SYT1: variants seen among roughly 807,000 people sequenced by gnomAD.
The protein encoded by SYT1 is synaptotagmin-1.
SYT1 carries 8 observed loss-of-function variants against 44.8 expected under a neutral mutation model. The observed-to-expected ratio is 0.18, with a 90% CI of 0.10 to 0.32. The LOEUF (loss-of-function observed/expected upper bound fraction) is 0.32. Ranked by LOEUF, SYT1 falls within the 10% of genes least tolerant of loss-of-function variation. The pLI, the probability that SYT1 is intolerant of heterozygous loss-of-function variation, is 1.00. For synonymous variants in SYT1, 154 were observed against 188.8 expected, an observed-to-expected ratio of 0.82 and a Z score of 1.51; for missense variants, 286 against 509.3, an observed-to-expected ratio of 0.56 and a Z score of 4.22.
At chr12:79,059,453 A>T (rs2137834209) in intron 3 of SYT1, among the ~76,000 whole-genome samples, 1 of 152,244 alleles carries the variant, frequency 6.6e-6, no homozygotes, top group East Asian at 1.9e-4. Context: ...CCACTCATAA[A>T]GTAAATTTTA....
At chr12:79,379,380 G>A (rs566572039) in intron 9 of SYT1, among the ~76,000 whole-genome samples, 6 of 152,036 alleles carry the variant, frequency 3.9e-5, no homozygotes, top group Admixed American at 2.6e-4. Flanking sequence ...CCTTTTTGAA[G>A]GTTACCAAAA....
At chr12:79,019,621 ACT>A (rs1430164878) in intron 2 of SYT1, among the ~76,000 whole-genome samples, 2 of 152,006 alleles carry the variant, frequency 1.3e-5, no homozygotes. Context: ...TATGTTGGTT[ACT>A]TTTAACTTCG....
rs1285337656 is a variant in SYT1, at chr12:79,329,080, T to G, written c.811-24422T>G. Among the ~76,000 whole-genome samples, 4 of 152,290 alleles carry G rather than the reference T, an allele frequency of 2.6e-5. No individual in the cohort carries two copies. The East Asian group carries it at 7.7e-4, about 29-fold the overall frequency. ...TACAATCATCCGCTCTTTATTGTGC[T>G]GATCCAAGCTCATGGCCACAGAGGG... On this transcript the variant is annotated intron_variant, in intron 8 of 10. Coordinates refer to ENST00000261205, the MANE Select transcript of SYT1 (RefSeq NM_005639.3).
chr12:79,333,122 A>G (rs1951303133), intron 8 of SYT1, among the ~76,000 whole-genome samples: 1 of 152,172 alleles, frequency 6.6e-6, no homozygotes, highest in Non-Finnish European at 1.5e-5. Flanking sequence ...GTCTGAGTCC[A>G]TTTAGGCTAC....
At chr12:79,008,978 CTT>C (rs1260949558) in intron 2 of SYT1, among the ~76,000 whole-genome samples, 1 of 152,100 alleles carries the variant, frequency 6.6e-6, no homozygotes, top group East Asian at 1.9e-4. Context: ...TTTATAGAAA[CTT>C]TAGCTTTGCT....
chr12:79,084,791 G>T (rs938706537), intron 3 of SYT1, among the ~76,000 whole-genome samples: 26 of 152,002 alleles, frequency 1.7e-4, no homozygotes, highest in African/African-American at 6.0e-4. Flanking sequence ...TAATTTTTTT[G>T]ATGTGTATTA....
chr12:78,941,557 A>G (rs997415362), intron 1 of SYT1, among the ~76,000 whole-genome samples: 7 of 152,232 alleles, frequency 4.6e-5, no homozygotes, highest in African/African-American at 1.7e-4. Context: ...TTTAATCAAT[A>G]GTAACATTAG....
chr12:79,184,357 C>G (rs765857493), intron 3 of SYT1, among the ~76,000 whole-genome samples: 2 of 151,972 alleles, frequency 1.3e-5, no homozygotes, highest in African/African-American at 4.8e-5. Flanking sequence ...GGAACTTATG[C>G]CTTTATTAGT....
chr12:79,433,975 C>A (rs1007018431), intron 9 of SYT1, among the ~76,000 whole-genome samples: 3 of 152,206 alleles, frequency 2.0e-5, no homozygotes, highest in African/African-American at 7.2e-5. Context: ...TGCATCCCTA[C>A]ATTTTTAGTC....
intron 1 of SYT1, among the ~76,000 whole-genome samples, chr12:78,925,079 T>C (rs1023674483): frequency 6.6e-6 from 1 of 151,938 alleles, no homozygotes. Flanking sequence ...TCACTACATA[T>C]CTATTTCTAT....
At chr12:79,214,578 G>A (rs1205867284) in intron 3 of SYT1, among the ~76,000 whole-genome samples, 1 of 152,178 alleles carries the variant, frequency 6.6e-6, no homozygotes, top group African/African-American at 2.4e-5. Flanking sequence ...AGCAACTCAA[G>A]AAGTGAAGGA....
chr12:79,211,356 A>G (rs1874433124), intron 3 of SYT1, among the ~76,000 whole-genome samples: 1 of 152,188 alleles, frequency 6.6e-6, no homozygotes, highest in Non-Finnish European at 1.5e-5. Context: ...ATGTTACTAC[A>G]AACATCCTTA....
chr12:79,165,605 ATTTATCCTTATAATAACTCAAGAGCT>A (rs1199935282), intron 3 of SYT1, among the ~76,000 whole-genome samples: 1 of 152,020 alleles, frequency 6.6e-6, no homozygotes, highest in Non-Finnish European at 1.5e-5. Flanking sequence ...TAGAACAATT[ATTTATCCTTATAATAACTCAAGAGCT>A]TTTATCATCA....
intron 1 of SYT1, among the ~76,000 whole-genome samples, chr12:78,974,259 A>T (rs1868647733): frequency 6.6e-6 from 1 of 151,460 alleles, no homozygotes; most frequent in Non-Finnish European, 1.5e-5. Context: ...AGCTTATGAG[A>T]CCATCATCTT....
chr12:79,304,279 C>T (rs919249336), intron 8 of SYT1, among the ~76,000 whole-genome samples: 1 of 152,254 alleles, frequency 6.6e-6, no homozygotes. Flanking sequence ...TGTGTCCAAA[C>T]GCCCTTTTTA....
chr12:78,900,728 T>C (rs1875615224), intron 1 of SYT1, among the ~76,000 whole-genome samples: 1 of 152,114 alleles, frequency 6.6e-6, no homozygotes, highest in South Asian at 2.1e-4. Flanking sequence ...ACAAGTATCA[T>C]GAATTGTGAA....
chr12:79,056,139 A>G (rs1874920135), intron 3 of SYT1, among the ~76,000 whole-genome samples: 1 of 152,090 alleles, frequency 6.6e-6, no homozygotes, highest in African/African-American at 2.4e-5. Flanking sequence ...GCTGTTCAGC[A>G]ACAACAAAAT....
chr12:79,040,671 T>A (rs1471804813), intron 2 of SYT1, among the ~76,000 whole-genome samples: 1 of 152,198 alleles, frequency 6.6e-6, no homozygotes, highest in African/African-American at 2.4e-5. Flanking sequence ...CCATTGCTTT[T>A]GGTGTTTTGG....
chr12:79,409,686 C>T (rs574365154), intron 9 of SYT1, among the ~76,000 whole-genome samples: 1 of 152,060 alleles, frequency 6.6e-6, no homozygotes, highest in East Asian at 1.9e-4. Context: ...TTTCTGCACT[C>T]ATTTGGCTTG....
Sources: allele counts gnomAD v4.1 joint callset (sites outside exome capture counted in the v4.1 genomes callset), GRCh38; gene constraint gnomAD v4.1.1; transcripts MANE v1.5; gene names NCBI Gene and HGNC (gene_info 2026-07-23, HGNC 2026-07-21).